Variants in KATNAL1 observed in about 807,000 individuals in gnomAD.
KATNAL1 encodes katanin p60 ATPase-containing subunit A-like 1.
In KATNAL1, 32 loss-of-function variants were observed where a neutral mutation model predicts 55.2. The ratio of observed to expected loss-of-function variants is 0.58; its 90% CI spans 0.44 to 0.78. The LOEUF (loss-of-function observed/expected upper bound fraction) is 0.78. KATNAL1 is among the 30% of genes least tolerant of loss of function. The pLI is 0.00. For synonymous variants in KATNAL1, 193 were observed against 193.6 expected (o/e 1.00, Z 0.02); for missense variants, 466 against 600.9 (o/e 0.78, Z 2.35).
intron 4 of KATNAL1, among the ~76,000 whole-genome samples, chr13:30,244,292 G>A (rs1877564988): frequency 6.6e-6 from 1 of 152,074 alleles, no homozygotes; most frequent in African/African-American, 2.4e-5. Flanking sequence ...AGTATTCCAT[G>A]GTATATGTGC....
chr13:30,230,080 G>A (rs1875939149), intron 8 of KATNAL1, among the ~76,000 whole-genome samples: 1 of 150,686 alleles, frequency 6.6e-6, no homozygotes, highest in Non-Finnish European at 1.5e-5. Context: ...AAACTCTACT[G>A]TACACTTGTG....
At chr13:30,255,000 A>C (rs1199212363) in intron 4 of KATNAL1, among the ~76,000 whole-genome samples, 1 of 152,224 alleles carries the variant, frequency 6.6e-6, no homozygotes, top group Non-Finnish European at 1.5e-5. Flanking sequence ...AAAGAAAAAA[A>C]ATCTTGTTCT....
intron 6 of KATNAL1, among the ~76,000 whole-genome samples, chr13:30,234,208 A>AAC (rs957402032): frequency 2.0e-5 from 3 of 152,178 alleles, no homozygotes; most frequent in Non-Finnish European, 2.9e-5. Flanking sequence ...AAAACACAAA[A>AAC]AATGTTTAAA....
At chr13:30,270,318 C>A (rs185609501) in intron 3 of KATNAL1, among the ~76,000 whole-genome samples, 5,861 of 150,716 alleles carry the variant, frequency 0.039, 145 homozygotes, top group African/African-American at 0.066. Flanking sequence ...GCCCCCCGCC[C>A]GGCCAGCCGC....
chr13:30,299,557 G>GT (rs1453901930), intron 1 of KATNAL1, among the ~76,000 whole-genome samples: 3 of 152,060 alleles, frequency 2.0e-5, no homozygotes, highest in African/African-American at 7.2e-5. Flanking sequence ...TTGAAACATA[G>GT]TTTTTTAAAT....
At chr13:30,227,570 G>T in intron 8 of KATNAL1, 24 bp from the exon 9 acceptor site, 2 of 1,591,920 alleles carry the variant, frequency 1.3e-6, no homozygotes, top group Non-Finnish European at 1.7e-6. Context: ...GGGAGGAAAA[G>T]ATAGTGTTTT....
intron 1 of KATNAL1, among the ~76,000 whole-genome samples, chr13:30,287,534 C>T (rs1490174143): frequency 1.3e-5 from 2 of 152,194 alleles, no homozygotes; most frequent in African/African-American, 2.4e-5. Flanking sequence ...GGTATTTCTT[C>T]ATAGCAGCAT....
chr13:30,236,799 C>G (rs1876733167), intron 6 of KATNAL1, among the ~76,000 whole-genome samples: 1 of 152,162 alleles, frequency 6.6e-6, no homozygotes, highest in Non-Finnish European at 1.5e-5. Context: ...TATAAACACT[C>G]TATACTTCCA....
chr13:30,232,485 A>G (rs1040033502), intron 6 of KATNAL1, among the ~76,000 whole-genome samples: 5 of 152,176 alleles, frequency 3.3e-5, no homozygotes, highest in African/African-American at 1.2e-4. Flanking sequence ...TTTTACAAAA[A>G]TATTTTTTTG....
chr13:30,284,794 G>C (rs1378510489), intron 1 of KATNAL1, among the ~76,000 whole-genome samples: 2 of 152,148 alleles, frequency 1.3e-5, no homozygotes, highest in African/African-American at 4.8e-5. Flanking sequence ...AAGCTCTCCA[G>C]TCCAGTAATT....
intron 3 of KATNAL1, among the ~76,000 whole-genome samples, chr13:30,279,315 G>C (rs1179097723): frequency 6.6e-6 from 1 of 152,152 alleles, no homozygotes; most frequent in African/African-American, 2.4e-5. Flanking sequence ...CATGGTCCTT[G>C]TCCTTGCAAA....
chr13:30,251,165 G>A (rs866660816), intron 4 of KATNAL1, among the ~76,000 whole-genome samples: 14 of 148,816 alleles, frequency 9.4e-5, no homozygotes, highest in Admixed American at 6.1e-4. Flanking sequence ...AAAAATACTT[G>A]AGAATCAGAG....
chr13:30,272,120 C>T lies in KATNAL1; in HGVS notation c.323+7943G>A, dbSNP rs193215257. On this transcript the variant is annotated intron_variant, in intron 3 of 10. Transcript: ENST00000380615. ...TTTCTTGTAATTAAGAAAAAAGGGG[C>T]CGGGAGCAGTGGCTCATGCCTATAA... Among the ~76,000 whole-genome samples the T allele has an allele frequency of 1.3e-4, 20 of 152,252 alleles. No individual in the cohort carries two copies. In the East Asian group the frequency reaches 3.3e-3, roughly 25 times the overall value.
At chr13:30,210,654 A>T in intron 9 of KATNAL1, 21 of 92,752 alleles carry the variant, frequency 2.3e-4, no homozygotes, top group Non-Finnish European at 2.7e-4. Context: ...AAAATTGAAA[A>T]AAAAAAAAAA....
chr13:30,297,702 C>A (rs1882607189), intron 1 of KATNAL1, among the ~76,000 whole-genome samples: 1 of 152,174 alleles, frequency 6.6e-6, no homozygotes, highest in Admixed American at 6.5e-5. Context: ...AGAACAAAAT[C>A]ATGCCCTTTG....
At chr13:30,209,018 G>T (rs1873409994) in intron 10 of KATNAL1, among the ~76,000 whole-genome samples, 1 of 152,148 alleles carries the variant, frequency 6.6e-6, no homozygotes, top group Admixed American at 6.5e-5. Context: ...CTCAAAGACA[G>T]CCAAGAAGTT....
At chr13:30,237,673 C>T (rs1255399876) in intron 6 of KATNAL1, among the ~76,000 whole-genome samples, 1 of 152,146 alleles carries the variant, frequency 6.6e-6, no homozygotes, top group Non-Finnish European at 1.5e-5. Context: ...CAAGCTTCAG[C>T]CCTGTATTTC....
At chr13:30,281,585 T>C (rs567266235) in intron 2 of KATNAL1, among the ~76,000 whole-genome samples, 8 of 152,222 alleles carry the variant, frequency 5.3e-5, no homozygotes, top group Non-Finnish European at 1.0e-4. Flanking sequence ...TGGTAACATT[T>C]AAGTTGGAAA....
intron 1 of KATNAL1, among the ~76,000 whole-genome samples, chr13:30,288,384 C>A (rs566343905): frequency 2.6e-5 from 4 of 152,126 alleles, no homozygotes; most frequent in Non-Finnish European, 4.4e-5. Flanking sequence ...GCACTTACAT[C>A]GAGTTCTAAA....
Sources: gnomAD v4.1 joint callset for allele counts (sites outside exome capture counted in the v4.1 genomes callset) on GRCh38, gnomAD v4.1.1 for gene constraint, MANE v1.5 for transcripts, NCBI Gene and HGNC (gene_info 2026-07-23, HGNC 2026-07-21) for gene names.